SENP6: variants seen among roughly 807,000 people sequenced by gnomAD.
The protein encoded by SENP6 is SUMO specific peptidase 6.
A neutral mutation model predicts 134.5 loss-of-function variants in SENP6; 41 were observed. The ratio of observed to expected loss-of-function variants is 0.30; its 90% CI spans 0.24 to 0.40. The LOEUF is 0.40. Among genes scored for constraint, SENP6 ranks in the 10% least tolerant of loss-of-function variants. The probability of loss-of-function intolerance (pLI) is 1.00; values close to 1 mark genes in which losing one functional copy is unlikely to be tolerated. For synonymous variants in SENP6, 395 were observed against 429.8 expected (o/e 0.92, Z 1.00); for missense variants, 1,248 against 1,312.5 (o/e 0.95, Z 0.76).
chr6:75,674,215 G>T (rs1772912103), intron 11 of SENP6, among the ~76,000 whole-genome samples: 1 of 143,722 alleles, frequency 7.0e-6, no homozygotes, highest in African/African-American at 2.6e-5. Flanking sequence ...GGAGTTCAGT[G>T]CTGCAGTCAT....
At chr6:75,709,679 A>C (rs768978508) in intron 20 of SENP6, 49 bp downstream of exon 20, 1 of 1,410,940 alleles carries the variant, frequency 7.1e-7, no homozygotes, top group Admixed American at 1.7e-5. Flanking sequence ...TCTAATTAAA[A>C]GTTTTTCTTG....
At chr6:75,615,815 C>A (rs1412963231) in intron 1 of SENP6, among the ~76,000 whole-genome samples, 1 of 152,134 alleles carries the variant, frequency 6.6e-6, no homozygotes. Context: ...AGTGGCGAAG[C>A]CTTCTGAGCC....
intron 4 of SENP6, among the ~76,000 whole-genome samples, chr6:75,634,167 G>A (rs866061465): frequency 1.2e-4 from 19 of 152,246 alleles, no homozygotes; most frequent in Admixed American, 6.5e-4. Context: ...CTCAGAAATA[G>A]GGTTGAAAGT....
chr6:75,680,993 G>A (rs768532343), intron 16 of SENP6, among the ~76,000 whole-genome samples: 2 of 152,182 alleles, frequency 1.3e-5, no homozygotes, highest in East Asian at 1.9e-4. Flanking sequence ...AAAATCATTT[G>A]CCTTACCCAG....
chr6:75,648,988 C>A (rs1206722026), intron 7 of SENP6, among the ~76,000 whole-genome samples: 1 of 152,098 alleles, frequency 6.6e-6, no homozygotes, highest in African/African-American at 2.4e-5. Flanking sequence ...CAGAACTGTA[C>A]AAAAGGTATT....
At chr6:75,711,197 C>T (rs1461109142) in intron 20 of SENP6, 131 bp from the exon 21 acceptor site, 3 of 576,384 alleles carry the variant, frequency 5.2e-6, no homozygotes, top group Non-Finnish European at 9.3e-6. Flanking sequence ...TCTCTAGTGT[C>T]TAATCACCTA....
At chr6:75,653,658 G>T (rs901683692) in intron 7 of SENP6, among the ~76,000 whole-genome samples, 1 of 105,088 alleles carries the variant, frequency 9.5e-6, no homozygotes, top group African/African-American at 3.2e-5. Context: ...TTGGAATGTT[G>T]TGTTTTTTTT....
chr6:75,675,626 T>C, intron 12 of SENP6, 158 bp downstream of exon 12: 2 of 686,764 alleles, frequency 2.9e-6, no homozygotes, highest in South Asian at 3.8e-5. Flanking sequence ...GTAATTTCAT[T>C]CAGAAATATC....
At position 75,623,946 on chromosome 6, in the gene SENP6, T is replaced by C. The variant is rs1172052063; in HGVS notation, c.193T>C (p.Ser65Pro). 1 of 1,608,706 alleles carries C rather than the reference T, an allele frequency of 6.2e-7. No homozygotes were observed. The highest frequency in any genetic ancestry group is 8.5e-7 in the Non-Finnish European group (1 of 1,177,226). The change falls in exon 3 of 24, where the codon TCA becomes CCA. Residue 65 changes from serine (S) to proline (P), a missense_variant. Ser to Pro is a moderately conservative substitution (Grantham distance 74). Around this residue, in one of 3 missense-constraint regions of SENP6, gnomAD observed 733 missense variants for 725.4 expected, o/e 1.01. Transcript: ENST00000447266. ...GGATGAAGATGAGGATTCTGAAACC[T>C]CAAAAGGAAAAAAGGCAAGTGTTGC... is the stretch of plus-strand genomic sequence containing the variant. The part of the protein sequence containing the change: ...SVDEDEDSET[S>P]KGKKLNRRSE...
intron 1 of SENP6, among the ~76,000 whole-genome samples, chr6:75,615,780 A>C (rs1767805933): frequency 1.3e-5 from 2 of 152,292 alleles, no homozygotes; most frequent in East Asian, 3.9e-4. Context: ...GATTGATGCT[A>C]TTTTTTAAAA....
chr6:75,677,321 T>G (rs1391559), intron 14 of SENP6, 65 bp downstream of exon 14: 37,894 of 1,044,256 alleles, frequency 0.036, 1,991 homozygotes, highest in African/African-American at 0.22. Context: ...GAAATATGTT[T>G]TATTTTAATA....
At chr6:75,655,954 C>A (rs879936159) in intron 7 of SENP6, among the ~76,000 whole-genome samples, 3 of 152,094 alleles carry the variant, frequency 2.0e-5, no homozygotes, top group Non-Finnish European at 2.9e-5. Flanking sequence ...CGTGGTGGTT[C>A]ATGCCTGTAA....
intron 18 of SENP6, chr6:75,697,795 G>T (rs1774756400): frequency 3.5e-6 from 1 of 282,534 alleles, no homozygotes; most frequent in African/African-American, 2.2e-5. Context: ...GGTGCTTATT[G>T]TCTAGCAAGT....
chr6:75,695,429 T>G (rs1026185718), intron 16 of SENP6, among the ~76,000 whole-genome samples: 3 of 152,240 alleles, frequency 2.0e-5, no homozygotes, highest in Admixed American at 1.3e-4. Context: ...AAAGATTTAC[T>G]GAGTTTTTAA....
intron 1 of SENP6, 144 bp downstream of exon 1, chr6:75,602,720 T>C (rs993244062): frequency 1.3e-5 from 12 of 893,136 alleles, no homozygotes; most frequent in Admixed American, 2.4e-5. Context: ...GGGGAGGGAG[T>C]GTGCTGCGAG....
intron 1 of SENP6, among the ~76,000 whole-genome samples, chr6:75,609,783 T>G (rs1026689129): frequency 3.3e-5 from 5 of 152,190 alleles, no homozygotes; most frequent in Non-Finnish European, 2.9e-5. Flanking sequence ...TTGTTTTTGT[T>G]TTTTGAGATG....
chr6:75,655,880 C>T (rs1771283780), intron 7 of SENP6, among the ~76,000 whole-genome samples: 1 of 151,952 alleles, frequency 6.6e-6, no homozygotes, highest in Non-Finnish European at 1.5e-5. Context: ...CTTCCATAGT[C>T]TCCCCTTTTG....
At chr6:75,660,625 T>C (rs1254857908) in intron 8 of SENP6, among the ~76,000 whole-genome samples, 2 of 151,998 alleles carry the variant, frequency 1.3e-5, no homozygotes, top group Non-Finnish European at 2.9e-5. Context: ...TCTTAACTTA[T>C]CTTGTATTTC....
At chr6:75,618,457 C>G (rs1768017713) in intron 1 of SENP6, among the ~76,000 whole-genome samples, 1 of 152,128 alleles carries the variant, frequency 6.6e-6, no homozygotes. Flanking sequence ...TTCTTGCATT[C>G]TGACCCTGTA....
Sources: allele counts gnomAD v4.1 joint callset (sites outside exome capture counted in the v4.1 genomes callset), GRCh38; gene constraint gnomAD v4.1.1; regional missense constraint gnomAD v4.1.1; transcripts MANE v1.5; gene names NCBI Gene and HGNC (gene_info 2026-07-23, HGNC 2026-07-21).